PTPRN2: variants seen among roughly 807,000 people sequenced by gnomAD.
PTPRN2 encodes protein tyrosine phosphatase receptor type N2, also known as receptor-type tyrosine-protein phosphatase N2.
PTPRN2 carries 74 observed loss-of-function variants against 118.8 expected under a neutral mutation model. That is an observed-to-expected ratio of 0.62 (90% CI 0.52 to 0.76). The LOEUF (loss-of-function observed/expected upper bound fraction) is 0.76, where lower values mean the gene tolerates loss of function less well. PTPRN2 is among the 30% of genes least tolerant of loss of function. The pLI is 0.00. For synonymous variants in PTPRN2, 641 were observed against 608.0 expected (o/e 1.05, Z -0.80); for missense variants, 1,481 against 1,394.4 (o/e 1.06, Z -0.99).
At chr7:157,895,981 A>G (rs1006876585) in intron 12 of PTPRN2, among the ~76,000 whole-genome samples, 1 of 152,096 alleles carries the variant, frequency 6.6e-6, no homozygotes, top group Non-Finnish European at 1.5e-5. Flanking sequence ...CTGCAGAGTC[A>G]AGAAGGGGCC....
At chr7:158,182,958 G>A (rs933413043) in intron 5 of PTPRN2, among the ~76,000 whole-genome samples, 1 of 152,188 alleles carries the variant, frequency 6.6e-6, no homozygotes, top group Admixed American at 6.5e-5. Flanking sequence ...ATTATTTTAT[G>A]AATCTGAGAG....
chr7:157,821,707 C>T (rs547457037), intron 12 of PTPRN2, among the ~76,000 whole-genome samples: 31 of 152,180 alleles, frequency 2.0e-4, no homozygotes, highest in Admixed American at 4.6e-4. Flanking sequence ...CACCTGTGGC[C>T]GGGGCAGAGG....
At chr7:158,482,112 T>G (rs1410949189) in intron 2 of PTPRN2, among the ~76,000 whole-genome samples, 1 of 151,678 alleles carries the variant, frequency 6.6e-6, no homozygotes, top group South Asian at 2.1e-4. Flanking sequence ...AGGTGAGGAG[T>G]TGCTTCCTAG....
chr7:158,051,797 T>C (rs776561576), intron 11 of PTPRN2, among the ~76,000 whole-genome samples: 5 of 152,144 alleles, frequency 3.3e-5, no homozygotes, highest in Non-Finnish European at 5.9e-5. Context: ...TAAATTTACA[T>C]GTCAAAATAC....
chr7:158,094,903 T>TTTACTTTTGTTTCTC (rs1585418558), intron 10 of PTPRN2, among the ~76,000 whole-genome samples: 1 of 152,290 alleles, frequency 6.6e-6, no homozygotes, highest in East Asian at 1.9e-4. Flanking sequence ...TTTTGTTTCT[T>TTTACTTTTGTTTCTC]GTTTTACTTT....
intron 11 of PTPRN2, among the ~76,000 whole-genome samples, chr7:158,071,762 C>CGTGGTGGAGGAGGTGCTT (rs1563393356): frequency 1.2e-5 from 1 of 80,574 alleles, no homozygotes; most frequent in African/African-American, 8.5e-5. Context: ...TGGAGGTGCT[C>CGTGGTGGAGGAGGTGCTT]GTGGTGATGG....
intron 2 of PTPRN2, among the ~76,000 whole-genome samples, chr7:158,361,762 A>C (rs1809000069): frequency 6.6e-6 from 1 of 152,148 alleles, no homozygotes; most frequent in South Asian, 2.1e-4. Flanking sequence ...GGGCCCCAGG[A>C]AGGTCAGTGC....
intron 9 of PTPRN2, among the ~76,000 whole-genome samples, chr7:158,133,008 G>A (rs1351131268): frequency 3.3e-5 from 5 of 152,202 alleles, no homozygotes; most frequent in Admixed American, 1.3e-4. Flanking sequence ...ATTCATTAAC[G>A]GGGTGACCTG....
intron 15 of PTPRN2, 129 bp from the exon 16 acceptor site, chr7:157,604,204 A>T: frequency 8.7e-6 from 7 of 809,048 alleles, no homozygotes; most frequent in Non-Finnish European, 1.4e-5. Flanking sequence ...TCCATCACAC[A>T]GCAGTGTGGG....
At chr7:158,337,328 C>A (rs1412705516) in intron 2 of PTPRN2, among the ~76,000 whole-genome samples, 1 of 150,896 alleles carries the variant, frequency 6.6e-6, no homozygotes, top group South Asian at 2.1e-4. Context: ...CACACCCACA[C>A]TGTCACCCTA....
rs569445546 is a variant in PTPRN2 at position 157,615,836 on chromosome 7, C to T, written c.2344+5526G>A. 7.6e-5 allele frequency: 27 copies of T among 356,648 alleles called. No homozygotes were observed. Among genetic ancestry groups the T allele is most frequent in the East Asian group, 1.5e-4 (2 of 13,490 alleles). The allele number at this position is 356,648 out of a possible 1,614,324, so 22.1% of individuals were successfully genotyped here. ...TCACCAACGGGGGGTGGGGGGTGCGCGAGGCCCTGGGCTCCACCGAAGACC... is the reference window on the plus strand; with the variant it reads ...TCACCAACGGGGGGTGGGGGGTGCGTGAGGCCCTGGGCTCCACCGAAGACC... On this transcript the variant is annotated intron_variant, in intron 15 of 22. Coordinates refer to ENST00000389418, the MANE Select transcript of PTPRN2 (RefSeq NM_002847.5). The surrounding 1 kb of genome is among the most constrained non-coding windows in gnomAD (Gnocchi z 4.3).
chr7:158,136,959 C>T (rs1362228710), intron 7 of PTPRN2, among the ~76,000 whole-genome samples: 4 of 151,590 alleles, frequency 2.6e-5, no homozygotes, highest in Non-Finnish European at 5.9e-5. Context: ...CTGGGGGTCT[C>T]ACGTGATCGA....
At position 157,982,185 on chromosome 7, in the gene PTPRN2, G is replaced by A. The variant is rs1198037950; in HGVS notation, c.1724-83448C>T. On this transcript the variant is annotated intron_variant, in intron 11 of 22. Transcript: ENST00000389418. The stretch of plus-strand genomic sequence containing the variant: ...AGAGATGAGGAGGGGAATGCAGAGT[G>A]CAGGGTCCCCCCTAAACCCCGAGTC... Among the ~76,000 whole-genome samples, 417 of 118,580 alleles carry A rather than the reference G, an allele frequency of 3.5e-3. 2 individuals are homozygous for A. Among genetic ancestry groups the A allele is most frequent in the African/African-American group, 0.014 (384 of 26,706 alleles). 77.8% of individuals were successfully genotyped at this position (118,580 alleles called of 152,430 possible).
In PTPRN2 at chr7:158,038,128, T is replaced by G. The variant is rs144735801; in HGVS notation, c.1723+43170A>C. Among the ~76,000 whole-genome samples, 1,337 of 152,240 alleles carry G rather than the reference T, an allele frequency of 8.8e-3. 10 individuals are homozygous for G. The highest frequency in any genetic ancestry group is 0.02 in the South Asian group (95 of 4,826). On this transcript the variant is annotated intron_variant, in intron 11 of 22. Coordinates refer to ENST00000389418, the MANE Select transcript of PTPRN2 (RefSeq NM_002847.5). ...ACACTTTGTATATGTTATACTCCAG[T>G]AGAAATTCATGTATAAAGTAAGATG...
chr7:158,439,769 A>G (rs370869158), intron 2 of PTPRN2, among the ~76,000 whole-genome samples: 2 of 152,238 alleles, frequency 1.3e-5, no homozygotes, highest in African/African-American at 2.4e-5. Flanking sequence ...TGAACGACCA[A>G]CAAGATGGCC....
rs114298930 is a variant in PTPRN2, at chr7:157,884,498, C to T, written c.1788+14175G>A. On this transcript the variant is annotated intron_variant, in intron 12 of 22. Transcript: ENST00000389418. Reference sequence around the variant, plus strand: ...CATGACAGGCCTTGCCCTTGCTGACCGGCTTCTCTGGTCCCCTCCTGTGTT... The same window carrying T: ...CATGACAGGCCTTGCCCTTGCTGACTGGCTTCTCTGGTCCCCTCCTGTGTT... Among the ~76,000 whole-genome samples the T allele has an allele frequency of 4.6e-3, 705 of 152,276 alleles. 3 individuals are homozygous for T. Among genetic ancestry groups the T allele is most frequent in the African/African-American group, 0.016 (683 of 41,540 alleles).
intron 2 of PTPRN2, among the ~76,000 whole-genome samples, chr7:158,401,020 G>T (rs1812905872): frequency 6.6e-6 from 1 of 152,140 alleles, no homozygotes; most frequent in African/African-American, 2.4e-5. Context: ...CTGTGGCCAA[G>T]GCCGCTCATC....
chr7:158,131,934 CACAT>C (rs1412825619), intron 9 of PTPRN2, among the ~76,000 whole-genome samples: 2 of 151,890 alleles, frequency 1.3e-5, no homozygotes, highest in Non-Finnish European at 2.9e-5. Flanking sequence ...CTACCCGACA[CACAT>C]ACACACACAT....
chr7:157,594,650 T>C (rs1275758621), intron 17 of PTPRN2, among the ~76,000 whole-genome samples: 2 of 152,226 alleles, frequency 1.3e-5, no homozygotes, highest in African/African-American at 2.4e-5. Flanking sequence ...CCAGAACCCA[T>C]TCCTATTCAG....
Sources: gnomAD v4.1 joint callset for allele counts (sites outside exome capture counted in the v4.1 genomes callset) on GRCh38, gnomAD v4.1.1 for gene constraint, Gnocchi (gnomAD v3.1) non-coding constraint, MANE v1.5 for transcripts, NCBI Gene and HGNC (gene_info 2026-07-23, HGNC 2026-07-21) for gene names.